Variants in CSMD1 observed in about 807,000 individuals in gnomAD.
CSMD1 encodes the protein CUB and Sushi multiple domains 1.
CSMD1 carries 213 observed loss-of-function variants against 417.5 expected under a neutral mutation model. The observed-to-expected ratio is 0.51, with a 90% CI of 0.46 to 0.57. The LOEUF (loss-of-function observed/expected upper bound fraction) is 0.57, where lower values mean the gene tolerates loss of function less well. Among genes scored for constraint, CSMD1 ranks in the 20% least tolerant of loss-of-function variants. CSMD1 has a pLI of 0.00. For synonymous variants in CSMD1, 2,862 were observed against 1,736.8 expected, an observed-to-expected ratio of 1.65 and a Z score of -16.11; for missense variants, 6,923 against 4,529.7, an observed-to-expected ratio of 1.53 and a Z score of -15.17.
chr8:3,359,112 C>T lies in CSMD1; in HGVS notation c.3304+40G>A, dbSNP rs781102355. The T allele has an allele frequency of 2.2e-5, 35 of 1,598,818 alleles. No individual in the cohort carries two copies. The East Asian group carries it at 3.6e-4, about 16-fold the overall frequency. The stretch of plus-strand genomic sequence containing the variant: ...GGCTTCTTGCCTGGGCTAGACCCTG[C>T]CCCCATGGATGAATGAAATGAAAGC... On this transcript the variant is annotated intron_variant, in intron 21 of 69. Coordinates refer to ENST00000635120, the MANE Select transcript of CSMD1 (RefSeq NM_033225.6).
chr8:3,172,402 T>C (rs866133077), intron 37 of CSMD1, among the ~76,000 whole-genome samples: 18 of 152,344 alleles, frequency 1.2e-4, no homozygotes, highest in Middle Eastern at 3.4e-3. Flanking sequence ...ATCTGAGGCA[T>C]TGCTGTCATC....
chr8:4,567,951 A>T lies in CSMD1; in HGVS notation c.302+69391T>A, dbSNP rs371714215. Among the ~76,000 whole-genome samples the T allele has an allele frequency of 1.1e-4, 16 of 152,312 alleles. No homozygotes were observed. The East Asian group carries it at 1.2e-3, about 11-fold the overall frequency. On this transcript the variant is annotated intron_variant, in intron 2 of 69. Transcript: ENST00000635120. ...TGCACTTTCTGTCCACGTAACAGAG[A>T]TTCTTACAGCACAAGGACTGTTATT... is the stretch of plus-strand genomic sequence containing the variant.
At chr8:3,324,090 G>A (rs1207729098) in intron 23 of CSMD1, among the ~76,000 whole-genome samples, 3 of 142,546 alleles carry the variant, frequency 2.1e-5, no homozygotes, top group Non-Finnish European at 3.1e-5. Flanking sequence ...AGAGACCCAG[G>A]TGGGGGAGTT....
intron 2 of CSMD1, among the ~76,000 whole-genome samples, chr8:4,600,047 C>T (rs540730846): frequency 7.4e-4 from 112 of 152,234 alleles, no homozygotes; most frequent in African/African-American, 2.4e-3. Flanking sequence ...AGTAGGTACC[C>T]ACCAATGGCT....
chr8:3,768,971 G>C (rs1207524871), intron 5 of CSMD1, among the ~76,000 whole-genome samples: 2 of 152,236 alleles, frequency 1.3e-5, no homozygotes, highest in African/African-American at 2.4e-5. Flanking sequence ...GAACAGGAAA[G>C]GCCTGGCGGA....
At chr8:3,336,848 G>A (rs954350646) in intron 23 of CSMD1, among the ~76,000 whole-genome samples, 2 of 152,110 alleles carry the variant, frequency 1.3e-5, no homozygotes, top group African/African-American at 4.8e-5. Context: ...ACCTGGCATT[G>A]ACCTTAATCT....
At chr8:3,863,821 A>T (rs529375616) in intron 5 of CSMD1, among the ~76,000 whole-genome samples, 147 of 142,788 alleles carry the variant, frequency 1.0e-3, no homozygotes, top group African/African-American at 3.6e-3. Flanking sequence ...ATTCATGACG[A>T]AAAAAAAAAT....
chr8:3,178,090 T>C (rs1821055890), intron 37 of CSMD1, among the ~76,000 whole-genome samples: 1 of 152,224 alleles, frequency 6.6e-6, no homozygotes, highest in Non-Finnish European at 1.5e-5. Flanking sequence ...CTAGGTCATA[T>C]ACATTAAACC....
intron 10 of CSMD1, among the ~76,000 whole-genome samples, chr8:3,527,674 C>G (rs1797809949): frequency 6.6e-6 from 1 of 152,150 alleles, no homozygotes; most frequent in African/African-American, 2.4e-5. Context: ...TGCCAATTTG[C>G]TGGCTCTGCT....
intron 1 of CSMD1, among the ~76,000 whole-genome samples, chr8:4,923,749 G>T (rs752858135): frequency 4.9e-4 from 75 of 152,094 alleles, no homozygotes; most frequent in Non-Finnish European, 1.0e-3. Flanking sequence ...AGGAACCTTG[G>T]AAAGGTCATT....
intron 2 of CSMD1, among the ~76,000 whole-genome samples, chr8:4,573,745 C>G (rs770582870): frequency 6.6e-6 from 1 of 152,182 alleles, no homozygotes; most frequent in African/African-American, 2.4e-5. Flanking sequence ...CCCAGGTGCT[C>G]TGTCCCAGGG....
intron 10 of CSMD1, among the ~76,000 whole-genome samples, chr8:3,573,666 C>A (rs975379407): frequency 6.6e-6 from 1 of 152,120 alleles, no homozygotes; most frequent in African/African-American, 2.4e-5. Context: ...TCTTTTAGAA[C>A]TGGCAACCCA....
At chr8:3,843,183 T>C (rs896511851) in intron 5 of CSMD1, among the ~76,000 whole-genome samples, 1 of 152,156 alleles carries the variant, frequency 6.6e-6, no homozygotes, top group Non-Finnish European at 1.5e-5. Flanking sequence ...GGCTTGTAAA[T>C]TGTTTGTTTC....
At chr8:3,830,676 CAG>C (rs1197355450) in intron 5 of CSMD1, among the ~76,000 whole-genome samples, 1 of 152,048 alleles carries the variant, frequency 6.6e-6, no homozygotes, top group African/African-American at 2.4e-5. Flanking sequence ...ACTCAGAAAA[CAG>C]AGAGAAAAAA....
At chr8:4,123,389 T>C (rs1005625444) in intron 3 of CSMD1, among the ~76,000 whole-genome samples, 5 of 152,254 alleles carry the variant, frequency 3.3e-5, no homozygotes, top group Admixed American at 2.6e-4. Context: ...AATTCTTATC[T>C]GGGTGTGCCA....
At chr8:3,756,159 A>G (rs1797645791) in intron 5 of CSMD1, among the ~76,000 whole-genome samples, 1 of 151,938 alleles carries the variant, frequency 6.6e-6, no homozygotes, top group Admixed American at 6.6e-5. Flanking sequence ...GATCGAGACC[A>G]TCATGGCAAC....
chr8:3,486,143 A>G (rs1818018905), intron 11 of CSMD1, among the ~76,000 whole-genome samples: 1 of 152,188 alleles, frequency 6.6e-6, no homozygotes, highest in Admixed American at 6.5e-5. Flanking sequence ...TTTCTGTTAT[A>G]TTTCATTTTC....
intron 3 of CSMD1, among the ~76,000 whole-genome samples, chr8:4,415,310 A>G (rs988456743): frequency 2.0e-5 from 3 of 152,120 alleles, no homozygotes; most frequent in Admixed American, 1.3e-4. Flanking sequence ...AAAGACAGGC[A>G]TCTGTTTTTC....
chr8:3,387,765 A>G, intron 17 of CSMD1, 83 bp from the exon 18 acceptor site: 1 of 1,112,030 alleles, frequency 9.0e-7, no homozygotes, highest in Non-Finnish European at 1.3e-6. Flanking sequence ...CAACTACGAA[A>G]TAGTCTCAGA....
Sources: gnomAD v4.1 joint callset for allele counts (sites outside exome capture counted in the v4.1 genomes callset) on GRCh38, gnomAD v4.1.1 for gene constraint, MANE v1.5 for transcripts, NCBI Gene and HGNC (gene_info 2026-07-23, HGNC 2026-07-21) for gene names.